The following MTX2 variants were observed in gnomAD, a reference collection of about 807,000 sequenced individuals.
MTX2 encodes the protein metaxin 2, also known as metaxin-2.
In MTX2, 35 loss-of-function variants were observed where a neutral mutation model predicts 42.3. That is an observed-to-expected ratio of 0.83 (90% CI 0.63 to 1.10). The LOEUF is 1.10. MTX2 is among the 50% of genes least tolerant of loss of function. MTX2 has a pLI of 0.00. For synonymous variants in MTX2, 119 were observed against 100.9 expected, an observed-to-expected ratio of 1.18 and a Z score of -1.08; for missense variants, 307 against 304.1, an observed-to-expected ratio of 1.01 and a Z score of -0.07.
rs754321489 is a variant in MTX2, at chr2:176,337,543, C to G, written c.671C>G (p.Thr224Ser). The change falls in exon 10 of 10, where the codon ACC becomes AGC. Residue 224 changes from threonine (T) to serine (S), a missense_variant. Transcript: ENST00000249442. ...LVFGHLYTILTTQLTNDELSE... is the reference protein window; with the variant it reads ...LVFGHLYTILSTQLTNDELSE... The stretch of plus-strand genomic sequence containing the variant: ...TTTGGCCATCTATACACCATTCTTA[C>G]CACACAATTGACAAATGATGAACTT... 1 of 1,612,882 alleles carries G rather than the reference C, an allele frequency of 6.2e-7. No individual in the cohort carries two copies. Among genetic ancestry groups the G allele is most frequent in the East Asian group, 2.2e-5 (1 of 44,852 alleles).
chr2:176,323,126 T>C (rs1684624283), intron 3 of MTX2, among the ~76,000 whole-genome samples: 1 of 151,880 alleles, frequency 6.6e-6, no homozygotes, highest in Admixed American at 6.6e-5. Flanking sequence ...GTAACATAAA[T>C]GTGGATAATT....
At chr2:176,270,996 G>GT (rs1258764049) in intron 1 of MTX2, among the ~76,000 whole-genome samples, 3 of 152,114 alleles carry the variant, frequency 2.0e-5, no homozygotes, top group Non-Finnish European at 4.4e-5. Flanking sequence ...ACTTCACAGT[G>GT]TATGTTGAGT....
chr2:176,326,056 C>T (rs1301941832), intron 4 of MTX2, among the ~76,000 whole-genome samples: 1 of 151,718 alleles, frequency 6.6e-6, no homozygotes. Context: ...CAGCAGGTTT[C>T]ATTCTTTAGC....
chr2:176,313,385 A>ATTTT (rs1684362410), intron 3 of MTX2, among the ~76,000 whole-genome samples: 1 of 111,576 alleles, frequency 9.0e-6, no homozygotes, highest in African/African-American at 3.7e-5. Flanking sequence ...TTCTACACTG[A>ATTTT]TTCTTTTTTT....
chr2:176,284,096 G>A (rs1187969536), intron 1 of MTX2, among the ~76,000 whole-genome samples: 1 of 151,696 alleles, frequency 6.6e-6, no homozygotes, highest in Admixed American at 6.6e-5. Flanking sequence ...GAAAAATAAT[G>A]GATTTTTTTC....
chr2:176,285,987 G>A (rs1013264368), intron 1 of MTX2, among the ~76,000 whole-genome samples: 2 of 152,116 alleles, frequency 1.3e-5, no homozygotes, highest in African/African-American at 2.4e-5. Flanking sequence ...CATCAGCAAC[G>A]TGTGAGAATT....
intron 3 of MTX2, among the ~76,000 whole-genome samples, chr2:176,302,038 G>A (rs927256091): frequency 2.0e-5 from 3 of 151,526 alleles, no homozygotes; most frequent in African/African-American, 7.3e-5. Context: ...GAAGTCCAAT[G>A]TGCTAGCCGT....
chr2:176,306,918 C>T (rs1684163995), intron 3 of MTX2, among the ~76,000 whole-genome samples: 1 of 152,104 alleles, frequency 6.6e-6, no homozygotes, highest in East Asian at 1.9e-4. Context: ...TTAATTAGAT[C>T]CCATTTGCCT....
At chr2:176,313,005 T>C (rs1575052646) in intron 3 of MTX2, among the ~76,000 whole-genome samples, 1 of 151,898 alleles carries the variant, frequency 6.6e-6, no homozygotes, top group Admixed American at 6.6e-5. Context: ...AATTAAATTA[T>C]AGTACATAAT....
chr2:176,275,334 G>A lies in MTX2; in HGVS notation c.40+5665G>A, dbSNP rs550265585. 2.6e-5 allele frequency among the ~76,000 whole-genome samples: 4 copies of A among 152,072 alleles called. No individual in the cohort carries two copies. The South Asian group carries it at 6.2e-4, about 24-fold the overall frequency. Reference sequence around the variant, plus strand: ...GCTCACTGCAACCTCCACCTCCCAGGTTCAAGTTATTCTCCTGCCTCAGCC... The same window carrying A: ...GCTCACTGCAACCTCCACCTCCCAGATTCAAGTTATTCTCCTGCCTCAGCC... On this transcript the variant is annotated intron_variant, in intron 1 of 9. Coordinates refer to ENST00000249442, the MANE Select transcript of MTX2 (RefSeq NM_006554.5).
At chr2:176,296,178 T>G (rs561772842) in intron 1 of MTX2, among the ~76,000 whole-genome samples, 39 of 152,312 alleles carry the variant, frequency 2.6e-4, no homozygotes, top group African/African-American at 8.9e-4. Context: ...AAGTCAAGTT[T>G]CATTTCAGGC....
chr2:176,327,010 G>A (rs1684723727), intron 5 of MTX2, 109 bp downstream of exon 5: 6 of 563,048 alleles, frequency 1.1e-5, no homozygotes, highest in Middle Eastern at 4.2e-4. Flanking sequence ...AAATGCCAAT[G>A]CAAACTACTG....
At chr2:176,324,503 T>C (rs1004289339) in intron 4 of MTX2, among the ~76,000 whole-genome samples, 1 of 151,692 alleles carries the variant, frequency 6.6e-6, no homozygotes, top group Non-Finnish European at 1.5e-5. Flanking sequence ...GTTGGTTTTA[T>C]ACGTAGATTT....
chr2:176,318,590 A>G (rs1684501396), intron 3 of MTX2, among the ~76,000 whole-genome samples: 1 of 152,210 alleles, frequency 6.6e-6, no homozygotes, highest in Non-Finnish European at 1.5e-5. Flanking sequence ...AGAAATCTTT[A>G]TATTCTCTCA....
At chr2:176,294,551 A>G (rs1683805732) in intron 1 of MTX2, among the ~76,000 whole-genome samples, 1 of 152,228 alleles carries the variant, frequency 6.6e-6, no homozygotes, top group Admixed American at 6.5e-5. Flanking sequence ...TTGGGATTAC[A>G]GGCGTGAGCC....
chr2:176,293,444 C>T (rs975052665), intron 1 of MTX2, among the ~76,000 whole-genome samples: 2 of 152,106 alleles, frequency 1.3e-5, no homozygotes, highest in Admixed American at 6.6e-5. Flanking sequence ...ATGTAATCCC[C>T]GTTGTTGGAG....
At chr2:176,298,171 AGTT>A (rs1683937379) in intron 3 of MTX2, among the ~76,000 whole-genome samples, 2 of 151,206 alleles carry the variant, frequency 1.3e-5, no homozygotes, top group Non-Finnish European at 2.9e-5. Flanking sequence ...GTGTCTTAGC[AGTT>A]GTTTTGCTTT....
At chr2:176,285,583 G>C (rs1693180156) in intron 1 of MTX2, among the ~76,000 whole-genome samples, 1 of 150,706 alleles carries the variant, frequency 6.6e-6, no homozygotes, top group South Asian at 2.1e-4. Context: ...CTGTAGATTT[G>C]CCTCATCTGG....
At chr2:176,316,796 T>C (rs1326342190) in intron 3 of MTX2, among the ~76,000 whole-genome samples, 1 of 152,158 alleles carries the variant, frequency 6.6e-6, no homozygotes, top group Non-Finnish European at 1.5e-5. Flanking sequence ...ATCAAACTAT[T>C]GATTATTTTG....
Sources: gnomAD v4.1 joint callset for allele counts (sites outside exome capture counted in the v4.1 genomes callset) on GRCh38, gnomAD v4.1.1 for gene constraint, MANE v1.5 for transcripts, NCBI Gene and HGNC (gene_info 2026-07-23, HGNC 2026-07-21) for gene names.